Variants in NPTN observed in about 807,000 individuals in gnomAD.
NPTN encodes SDR-1.
Under a neutral mutation model 42.7 loss-of-function variants are expected in NPTN, and 5 were observed. The ratio of observed to expected loss-of-function variants is 0.12; its 90% CI spans 0.06 to 0.25. NPTN has a LOEUF of 0.25. Ranked by LOEUF, NPTN falls within the 10% of genes least tolerant of loss-of-function variation. The pLI, the probability that NPTN is intolerant of heterozygous loss-of-function variation, is 1.00. For synonymous variants in NPTN, 180 were observed against 201.9 expected (o/e 0.89, Z 0.92); for missense variants, 307 against 525.4 (o/e 0.58, Z 4.06).
Position 73,633,196 on chromosome 15 carries a change from G to C in NPTN, c.20C>G (p.Pro7Arg). ...CAACAGCGAGAGGGCCAGGGCGCTG[G>C]GCAGCGACGAACCCGACATCCTCCC... Reference protein sequence around the residue: MSGSSLPSALALSLLLV... With the variant: MSGSSLRSALALSLLLV... Residue 7 changes from proline (P) to arginine (R), a missense_variant, in exon 1 of 9, where the codon CCC becomes CGC. Coordinates refer to ENST00000345330, the MANE Select transcript of NPTN (RefSeq NM_012428.4). 1 of 1,531,244 alleles carries C rather than the reference G, an allele frequency of 6.5e-7. No homozygotes were observed. The highest frequency in any genetic ancestry group is 8.7e-7 in the Non-Finnish European group (1 of 1,144,276). The allele number at this position is 1,531,244 out of a possible 1,614,324, so 94.9% of individuals were successfully genotyped here. A position where few individuals can be genotyped will look rare whatever the true frequency, so the allele number is the denominator to read the frequency against.
chr15:73,613,858 G>T (rs1038660927), intron 1 of NPTN, among the ~76,000 whole-genome samples: 1 of 151,760 alleles, frequency 6.6e-6, no homozygotes, highest in Non-Finnish European at 1.5e-5. Context: ...GCTAATTTTT[G>T]TGTTTTTAGT....
chr15:73,631,428 G>C (rs904205135), intron 1 of NPTN, among the ~76,000 whole-genome samples: 2 of 152,106 alleles, frequency 1.3e-5, no homozygotes, highest in African/African-American at 4.8e-5. Flanking sequence ...TTTCCTTCCT[G>C]ACCCCTGCAG....
At chr15:73,633,019 C>G in intron 1 of NPTN, 106 bp downstream of exon 1, 1 of 812,562 alleles carries the variant, frequency 1.2e-6, no homozygotes. Context: ...GACGCCCACT[C>G]GGCCCCCTTC....
At position 73,633,283 on chromosome 15, in the gene NPTN, G is replaced by T; in HGVS notation, c.-68C>A. 1 of 1,095,294 alleles carries T rather than the reference G, an allele frequency of 9.1e-7. No individual in the cohort carries two copies. The highest frequency in any genetic ancestry group is 1.3e-6 in the Non-Finnish European group (1 of 791,110). The allele number at this position is 1,095,294 out of a possible 1,614,324, so 67.8% of individuals were successfully genotyped here. On this transcript the variant is annotated 5_prime_UTR_variant, in exon 1 of 9. Transcript: ENST00000345330. ...AGCCGGGGCCGGGGAAGGGAGGGGA[G>T]GGAGGGAGGGGGCGGGCGAGTGCGC...
intron 3 of NPTN, among the ~76,000 whole-genome samples, chr15:73,588,057 T>C (rs1290783764): frequency 6.6e-6 from 1 of 152,214 alleles, no homozygotes; most frequent in East Asian, 1.9e-4. Flanking sequence ...CTGGCCAAGA[T>C]GCTGAAACCC....
At chr15:73,589,741 C>T (rs909453954) in intron 3 of NPTN, among the ~76,000 whole-genome samples, 2 of 152,012 alleles carry the variant, frequency 1.3e-5, no homozygotes, top group African/African-American at 2.4e-5. Flanking sequence ...AGACTATGGA[C>T]GAGGAGAGAC....
In NPTN at chr15:73,568,211, C is replaced by T. The variant is rs1895148650; in HGVS notation, c.1114+1939G>A. The T allele has an allele frequency of 8.1e-6, 8 of 985,496 alleles. No individual in the cohort carries two copies. In the South Asian group the frequency reaches 1.9e-4, roughly 23 times the overall value. The allele number at this position is 985,496 out of a possible 1,614,324, so 61.0% of individuals were successfully genotyped here. A position where few individuals can be genotyped will look rare whatever the true frequency, so the allele number is the denominator to read the frequency against. On this transcript the variant is annotated intron_variant, in intron 6 of 8. Transcript: ENST00000345330. ...CTACCACATGCACTGTGATAGCAACCTCATAAGCGCGGTGACTTCTTAGGG... is the reference window on the plus strand; with the variant it reads ...CTACCACATGCACTGTGATAGCAACTTCATAAGCGCGGTGACTTCTTAGGG...
chr15:73,620,012 G>C (rs902992204), intron 1 of NPTN, among the ~76,000 whole-genome samples: 2 of 152,152 alleles, frequency 1.3e-5, no homozygotes, highest in African/African-American at 4.8e-5. Context: ...GAGAGATTAA[G>C]AGATTTGCCA....
intron 2 of NPTN, among the ~76,000 whole-genome samples, chr15:73,594,834 G>A (rs1370530040): frequency 6.6e-6 from 1 of 152,026 alleles, no homozygotes; most frequent in African/African-American, 2.4e-5. Context: ...TGAGCTTTGG[G>A]GAAAGTACTA....
chr15:73,590,614 A>C (rs1465329846), intron 3 of NPTN, among the ~76,000 whole-genome samples: 1 of 151,720 alleles, frequency 6.6e-6, no homozygotes. Context: ...ATACAAAAAA[A>C]AAAAAAAAAA....
chr15:73,583,282 T>A (rs950357732), intron 4 of NPTN, among the ~76,000 whole-genome samples: 1 of 152,194 alleles, frequency 6.6e-6, no homozygotes, highest in African/African-American at 2.4e-5. Flanking sequence ...GCCTTTTAAA[T>A]GTTACATGCT....
At chr15:73,604,267 C>G (rs1056544300) in intron 1 of NPTN, among the ~76,000 whole-genome samples, 1 of 152,022 alleles carries the variant, frequency 6.6e-6, no homozygotes, top group Non-Finnish European at 1.5e-5. Flanking sequence ...AGCTCGAGAC[C>G]GGCCTGGGTA....
intron 4 of NPTN, among the ~76,000 whole-genome samples, 175 bp from the exon 5 acceptor site, chr15:73,573,970 A>T (rs904730722): frequency 3.3e-5 from 5 of 152,182 alleles, no homozygotes; most frequent in African/African-American, 1.2e-4. Context: ...GACCAAACCC[A>T]TCCTCTACCC....
chr15:73,622,376 G>A (rs1898176717), intron 1 of NPTN, among the ~76,000 whole-genome samples: 1 of 151,490 alleles, frequency 6.6e-6, no homozygotes, highest in East Asian at 1.9e-4. Context: ...AAGCCCCCAG[G>A]CACAAATATG....
chr15:73,610,154 AT>A (rs1486885922), intron 1 of NPTN, among the ~76,000 whole-genome samples: 1 of 151,482 alleles, frequency 6.6e-6, no homozygotes, highest in Non-Finnish European at 1.5e-5. Context: ...TGGCATGATC[AT>A]AGCTCACTGT....
chr15:73,560,064 T>A lies in NPTN; in HGVS notation c.*999A>T. The stretch of plus-strand genomic sequence containing the variant: ...AAAAACAGGTGAATCCACTTTTTTA[T>A]ACATCATTGCACTTCAATAATTACA... On this transcript the variant is annotated 3_prime_UTR_variant, in exon 9 of 9. Transcript: ENST00000345330. 1 of 647,360 alleles carries A rather than the reference T, an allele frequency of 1.5e-6. No homozygotes were observed. Among genetic ancestry groups the A allele is most frequent in the South Asian group, 2.5e-5 (1 of 39,832 alleles). The allele number at this position is 647,360 out of a possible 1,614,324, so 40.1% of individuals were successfully genotyped here.
intron 1 of NPTN, among the ~76,000 whole-genome samples, chr15:73,630,499 C>A (rs1271221940): frequency 2.6e-5 from 4 of 152,146 alleles, no homozygotes; most frequent in Non-Finnish European, 5.9e-5. Context: ...GGATGAGAAA[C>A]AAAATCCATC....
At chr15:73,562,306 CA>C (rs1403384392) in intron 7 of NPTN, among the ~76,000 whole-genome samples, 1 of 151,986 alleles carries the variant, frequency 6.6e-6, no homozygotes, top group Admixed American at 6.5e-5. Flanking sequence ...TGTGAGCACA[CA>C]AAAAAAACTT....
At chr15:73,588,527 G>GTCTA (rs772049918) in intron 3 of NPTN, among the ~76,000 whole-genome samples, 10 of 152,104 alleles carry the variant, frequency 6.6e-5, no homozygotes, top group Non-Finnish European at 1.2e-4. Flanking sequence ...TCTGGCCCCT[G>GTCTA]TCTATATCCC....
Sources: allele counts gnomAD v4.1 joint callset (sites outside exome capture counted in the v4.1 genomes callset), GRCh38; gene constraint gnomAD v4.1.1; transcripts MANE v1.5; gene names NCBI Gene and HGNC (gene_info 2026-07-23, HGNC 2026-07-21).